The following ATP13A1 variants were observed in gnomAD, a reference collection of about 807,000 sequenced individuals.
ATP13A1 encodes the protein ATPase 13A1, also known as endoplasmic reticulum transmembrane helix translocase.
In ATP13A1, 55 loss-of-function variants were observed where a neutral mutation model predicts 134.8. The ratio of observed to expected loss-of-function variants is 0.41; its 90% confidence interval spans 0.33 to 0.51. ATP13A1 has a LOEUF of 0.51. Among genes scored for constraint, ATP13A1 ranks in the 20% least tolerant of loss-of-function variants. ATP13A1 has a pLI of 0.29. For synonymous variants in ATP13A1, 775 were observed against 725.1 expected (o/e 1.07, Z -1.10); for missense variants, 1,389 against 1,652.8 (o/e 0.84, Z 2.77).
Position 19,649,662 on chromosome 19 carries a change from T to C in ATP13A1, c.2537A>G (p.Glu846Gly). Reference sequence around the variant, plus strand: ...CTCCTTCAGGCTGGTGATGACAAACTCCTGTATGGGCGGAGACAGGCTGAG... The same window carrying C: ...CTCCTTCAGGCTGGTGATGACAAACCCCTGTATGGGCGGAGACAGGCTGAG... ...VFARVAPKQK[E>G]FVITSLKELG... is the part of the protein sequence containing the mutation. Residue 846 changes from glutamate to glycine, a missense_variant and splice_region_variant, in exon 19 of 26, where the codon GAG becomes GGG. This residue lies in a region of ATP13A1 where 747 missense variants were observed against 956.1 expected (regional missense o/e 0.78). Transcript: ENST00000357324. 1 of 1,613,836 alleles carries C rather than the reference T, an allele frequency of 6.2e-7. No individual in the cohort carries two copies. Among genetic ancestry groups the C allele is most frequent in the Non-Finnish European group, 8.5e-7 (1 of 1,179,842 alleles).
chr19:19,654,478 C>G (rs1405825543), intron 13 of ATP13A1, 65 bp downstream of exon 13: 1 of 1,519,414 alleles, frequency 6.6e-7, no homozygotes, highest in Non-Finnish European at 8.8e-7. Context: ...GGGTGCAGCC[C>G]ACCTGCCTAG....
At chr19:19,652,848 T>G in intron 15 of ATP13A1, 128 bp from the exon 16 acceptor site, 1 of 1,314,592 alleles carries the variant, frequency 7.6e-7, no homozygotes, top group South Asian at 1.5e-5. Flanking sequence ...AGTGGGCACA[T>G]GCGAGGGTTG....
At chr19:19,661,312 C>A (rs920573286) in intron 1 of ATP13A1, among the ~76,000 whole-genome samples, 2 of 152,174 alleles carry the variant, frequency 1.3e-5, no homozygotes, top group African/African-American at 4.8e-5. Flanking sequence ...GCCTCCTGCT[C>A]AGCTCTGCCT....
In ATP13A1 at chr19:19,656,611, G is replaced by A. The variant is rs777070316; in HGVS notation, c.1083+49C>T. On this transcript the variant is annotated intron_variant, in intron 7 of 25. Coordinates refer to ENST00000357324, the MANE Select transcript of ATP13A1 (RefSeq NM_020410.3). The surrounding 1 kb of genome is among the most constrained non-coding windows in gnomAD (Gnocchi z 4.6). ...CCACCCCCTGGGCCTCCACCTCCTG[G>A]CCTGTTTCCTCCTGAACAGCTTGAG... The A allele has an allele frequency of 7.0e-6, 11 of 1,575,306 alleles. No individual in the cohort carries two copies. Among genetic ancestry groups the A allele is most frequent in the African/African-American group, 5.4e-5 (4 of 74,008 alleles).
chr19:19,661,991 G>A (rs976116337), intron 1 of ATP13A1: 39 of 1,529,286 alleles, frequency 2.6e-5, no homozygotes, highest in South Asian at 2.4e-4. Flanking sequence ...TGTTAGTTAC[G>A]GTTCTCAGTT....
intron 16 of ATP13A1, 86 bp downstream of exon 16, chr19:19,652,509 G>T (rs1330812402): frequency 2.0e-6 from 3 of 1,491,002 alleles, no homozygotes; most frequent in Non-Finnish European, 2.7e-6. Flanking sequence ...TGAGACTTGG[G>T]TGCCCACCCC....
At chr19:19,649,965 G>A (rs996405237) in intron 17 of ATP13A1, 25 bp from the exon 18 acceptor site, 12 of 1,559,856 alleles carry the variant, frequency 7.7e-6, no homozygotes, top group Non-Finnish European at 1.0e-5. Flanking sequence ...TAGGGTTAGG[G>A]CTGGGGGCTT....
rs774344981 is a variant in ATP13A1, at chr19:19,647,317, C to T, written c.2917G>A (p.Val973Met). The change falls in exon 22 of 26, where the codon GTG (valine) becomes ATG (methionine). Residue 973 changes from valine (V) to methionine (M), a missense_variant. Physicochemically the swap from Val to Met is conservative, Grantham distance 21. Transcript: ENST00000357324. The surrounding 1 kb of genome is among the most constrained non-coding windows in gnomAD (Gnocchi z 4.8). ...AGCGTGCAGCGGCCCTGCTTGATCACGTGGCAGACTGCAGGGTGGTGGGGA... is the reference window on the plus strand; with the variant it reads ...AGCGTGCAGCGGCCCTGCTTGATCATGTGGCAGACTGCAGGGTGGTGGGGA... ...KLSSIQCICH[V>M]IKQGRCTLVT... is the part of the protein sequence containing the mutation. 7.6e-6 allele frequency: 12 copies of T among 1,575,334 alleles called. No individual in the cohort carries two copies. The highest frequency in any genetic ancestry group is 1.0e-5 in the Non-Finnish European group (12 of 1,159,616).
chr19:19,655,136 G>A lies in ATP13A1; in HGVS notation c.1638C>T (p.Arg546=), dbSNP rs62000421. ...GTLTSDSLVV[R]GVAGLRDGKE... is the part of the protein sequence containing the mutation. ...ATGCTTACCTCAGCCCGGCCACACC[G>A]CGCACCACCAGGCTGTCACTGGTCA... The change falls in exon 12 of 26, where the codon CGC becomes CGT. Residue 546 remains arginine, a synonymous_variant. Coordinates refer to ENST00000357324, the MANE Select transcript of ATP13A1 (RefSeq NM_020410.3). This position sits in a 1 kb window ranked among gnomAD's most constrained non-coding sequence, Gnocchi z 5.7. The A allele has an allele frequency of 1.1e-3, 1,703 of 1,613,878 alleles. 21 individuals carry two copies. In the African/African-American group the frequency reaches 0.019, roughly 18 times the overall value.
Position 19,656,070 on chromosome 19 carries a change from G to A in ATP13A1, c.1197C>T (p.Ala399=). 1 of 1,613,618 alleles carries A rather than the reference G, an allele frequency of 6.2e-7. No individual in the cohort carries two copies. The highest frequency in any genetic ancestry group is 8.5e-7 in the Non-Finnish European group (1 of 1,179,728). The stretch of plus-strand genomic sequence containing the variant: ...GGCACCTACGCTTCAGGCCCGTGGT[G>A]GCTTTCTGTGGGGGGATGTGCTGCA... ...KVVQHIPPQK[A]TTGLKPVDSG... is the part of the protein sequence containing the mutation. Residue 399 remains alanine, a synonymous_variant, in exon 8 of 26, where the codon GCC becomes GCT. Transcript: ENST00000357324. This position sits in a 1 kb window ranked among gnomAD's most constrained non-coding sequence, Gnocchi z 4.6.
At chr19:19,662,505 G>A (rs897449223) in intron 1 of ATP13A1, among the ~76,000 whole-genome samples, 4 of 152,130 alleles carry the variant, frequency 2.6e-5, no homozygotes, top group Non-Finnish European at 4.4e-5. Flanking sequence ...GTCACCTGAG[G>A]CAGGCCCAGA....
chr19:19,652,837 T>C, intron 15 of ATP13A1, 117 bp from the exon 16 acceptor site: 2 of 1,365,132 alleles, frequency 1.5e-6, no homozygotes, highest in Non-Finnish European at 2.0e-6. Flanking sequence ...CCTGTTCCCG[T>C]AGTGGGCACA....
chr19:19,645,901 C>T lies in ATP13A1; in HGVS notation c.3333G>A (p.Gln1111=). ...STVYIMAMAM[Q]MATFAINYKG... is the part of the protein sequence containing the mutation. ...TGTAATTGATGGCGAAGGTGGCCATCTGCATGGCCATGGCCATGATGTAGA... is the reference window on the plus strand; with the variant it reads ...TGTAATTGATGGCGAAGGTGGCCATTTGCATGGCCATGGCCATGATGTAGA... Residue 1111 remains glutamine (Q), a synonymous_variant, in exon 24 of 26, where the codon CAG becomes CAA. Transcript: ENST00000357324. This position sits in a 1 kb window ranked among gnomAD's most constrained non-coding sequence, Gnocchi z 4.1. 6.2e-7 allele frequency: 1 copy of T among 1,613,930 alleles called. No homozygotes were observed. The highest frequency in any genetic ancestry group is 2.2e-5 in the East Asian group (1 of 44,882).
Position 19,654,538 on chromosome 19 carries a change from C to G in ATP13A1, c.1813+5G>C. 1 of 1,600,446 alleles carries G rather than the reference C, an allele frequency of 6.2e-7. No individual in the cohort carries two copies. Among genetic ancestry groups the G allele is most frequent in the Non-Finnish European group, 8.5e-7 (1 of 1,173,578 alleles). ...CTTGCTGGGCCTGAGGCCCCAGCCCCTCACCTTTGGTCAGCGTCCAGTCCA... is the reference window on the plus strand; with the variant it reads ...CTTGCTGGGCCTGAGGCCCCAGCCCGTCACCTTTGGTCAGCGTCCAGTCCA... On this transcript the variant is annotated splice_donor_5th_base_variant and intron_variant, in intron 13 of 25. Transcript: ENST00000357324.
In ATP13A1 at chr19:19,653,015, G is replaced by A. The variant is rs2062034764; in HGVS notation, c.2101-295C>T. ...GTGGCTCAGCTTCCAAGTCAATGAA[G>A]TAGGGACTCTCCCAATAATGTTGGA... On this transcript the variant is annotated intron_variant, in intron 15 of 25. Transcript: ENST00000357324. The surrounding 1 kb of genome is among the most constrained non-coding windows in gnomAD (Gnocchi z 4.2). The A allele has an allele frequency of 2.5e-6, 1 of 394,032 alleles. No homozygotes were observed. The highest frequency in any genetic ancestry group is 4.7e-6 in the Non-Finnish European group (1 of 214,958). The allele number at this position is 394,032 out of a possible 1,614,324, so 24.4% of individuals were successfully genotyped here.
intron 22 of ATP13A1, 43 bp from the exon 23 acceptor site, chr19:19,646,390 T>C: frequency 3.1e-6 from 5 of 1,611,270 alleles, no homozygotes; most frequent in Non-Finnish European, 3.4e-6. Context: ...TCTGGCTCAC[T>C]TGGGGCCACC....
intron 4 of ATP13A1, 84 bp downstream of exon 4, chr19:19,657,252 G>C (rs45460997): frequency 1.1e-5 from 16 of 1,501,854 alleles, no homozygotes; most frequent in Non-Finnish European, 1.4e-5. Context: ...AGGCTTCCAG[G>C]TTTAGAAGTG....
In ATP13A1 at chr19:19,651,625, C is replaced by A. The variant is rs905032535; in HGVS notation, c.2335+64G>T. 3.8e-6 allele frequency: 5 copies of A among 1,323,140 alleles called. No individual in the cohort carries two copies. The South Asian group carries it at 5.2e-5, about 14-fold the overall frequency. 82.0% of individuals were successfully genotyped at this position (1,323,140 alleles called of 1,614,324 possible). Reference sequence around the variant, plus strand: ...GGCCTGGTACACAGGTGGGCTGTTGCGATGGGAGCTGTTCTTGGACTCAGG... The same window carrying A: ...GGCCTGGTACACAGGTGGGCTGTTGAGATGGGAGCTGTTCTTGGACTCAGG... On this transcript the variant is annotated intron_variant, in intron 17 of 25. Coordinates refer to ENST00000357324, the MANE Select transcript of ATP13A1 (RefSeq NM_020410.3).
In ATP13A1 at chr19:19,656,830, G is replaced by GC. The variant is rs748836008; in HGVS notation, c.976+16dup. 1.4e-5 allele frequency: 23 copies of GC among 1,612,124 alleles called. No homozygotes were observed. The highest frequency in any genetic ancestry group is 1.8e-5 in the Non-Finnish European group (21 of 1,179,304). ...AGGCTGGGGCTCCCACTGGGACTGA[G>GC]CGGAACCCGGCCTCACCGATGGAGA... On this transcript the variant is annotated intron_variant, in intron 6 of 25. Transcript: ENST00000357324. This position sits in a 1 kb window ranked among gnomAD's most constrained non-coding sequence, Gnocchi z 4.6.
Sources: gnomAD v4.1 joint callset for allele counts (sites outside exome capture counted in the v4.1 genomes callset) on GRCh38, gnomAD v4.1.1 for gene constraint, gnomAD v4.1.1 regional missense constraint, Gnocchi (gnomAD v3.1) non-coding constraint, MANE v1.5 for transcripts, NCBI Gene and HGNC (gene_info 2026-07-23, HGNC 2026-07-21) for gene names.